Variants in LPXN observed in about 807,000 individuals in gnomAD.
LPXN encodes the protein leupaxin.
In LPXN, 28 loss-of-function variants were observed where a neutral mutation model predicts 45.6. That is an observed-to-expected ratio of 0.61 (90% CI 0.45 to 0.84). The LOEUF is 0.84. Among genes scored for constraint, LPXN ranks in the 40% least tolerant of loss-of-function variants. The probability of loss-of-function intolerance (pLI) is 0.00; values close to 1 mark genes in which losing one functional copy is unlikely to be tolerated. For missense variants in LPXN, 459 were observed against 475.0 expected (o/e 0.97, Z 0.31); for synonymous variants, 166 against 169.9 (o/e 0.98, Z 0.18).
intron 7 of LPXN, among the ~76,000 whole-genome samples, chr11:58,533,464 CA>C (rs1331488533): frequency 2.0e-5 from 3 of 152,174 alleles, no homozygotes; most frequent in Admixed American, 1.3e-4. Context: ...TACAGACAAG[CA>C]AATGCTGAGA....
Position 58,549,954 on chromosome 11 carries a change from G to A in LPXN, c.660+19C>T. On this transcript the variant is annotated intron_variant, in intron 6 of 8. Transcript: ENST00000395074. ...TAAGTGAGTGACTGAAAGCTGGAGA[G>A]GAGCGGGGATTTACTTACATCCAGG... 2 of 1,614,006 alleles carry A rather than the reference G, an allele frequency of 1.2e-6. No individual in the cohort carries two copies. Among genetic ancestry groups the A allele is most frequent in the Non-Finnish European group, 1.7e-6 (2 of 1,179,846 alleles).
At chr11:58,565,072 C>T (rs1202706261) in intron 2 of LPXN, among the ~76,000 whole-genome samples, 4 of 152,224 alleles carry the variant, frequency 2.6e-5, no homozygotes, top group Non-Finnish European at 4.4e-5. Context: ...CATCACCAAA[C>T]GTTCAGAATG....
rs1181795172 is a variant in LPXN at position 58,550,059 on chromosome 11, C to G, written c.574G>C (p.Glu192Gln). 2 of 1,614,000 alleles carry G rather than the reference C, an allele frequency of 1.2e-6. No individual in the cohort carries two copies. The highest frequency in any genetic ancestry group is 1.7e-6 in the Non-Finnish European group (2 of 1,180,020). ...GGGCAGTAGGCCAAGCCACTCCGCT[C>G]AAAGAAGGGACTGGAGCCAATCTCT... ...KEEIGSSPFF[E>Q]RSGLAYCPND... Residue 192 changes from glutamate to glutamine, a missense_variant, in exon 6 of 9, where the codon GAG becomes CAG. By Grantham distance (29) the Glu-to-Gln change is conservative (BLOSUM62 2). Coordinates refer to ENST00000395074, the MANE Select transcript of LPXN (RefSeq NM_004811.3).
In LPXN at chr11:58,549,990, C is replaced by A; in HGVS notation, c.643G>T (p.Ala215Ser). The A allele has an allele frequency of 1.2e-6, 2 of 1,614,142 alleles. No homozygotes were observed. Among genetic ancestry groups the A allele is most frequent in the Non-Finnish European group, 1.7e-6 (2 of 1,180,032 alleles). Reference sequence around the variant, plus strand: ...TTACTTACATCCAGGATGGGAGCAGCGCAGTAAGCACAGCGTGGAGAAAAA... The same window carrying A: ...TTACTTACATCCAGGATGGGAGCAGAGCAGTAAGCACAGCGTGGAGAAAAA... ...QLFSPRCAYC[A>S]APILDKVLTA... Residue 215 changes from alanine (A) to serine (S), a missense_variant, in exon 6 of 9, where the codon GCT becomes TCT. Physicochemically the swap from Ala to Ser is moderately conservative, Grantham distance 99. Coordinates refer to ENST00000395074, the MANE Select transcript of LPXN (RefSeq NM_004811.3).
At chr11:58,562,432 T>TTACA (rs1294888397) in intron 3 of LPXN, among the ~76,000 whole-genome samples, 1 of 152,184 alleles carries the variant, frequency 6.6e-6, no homozygotes, top group Non-Finnish European at 1.5e-5. Flanking sequence ...CATCTATCTA[T>TTACA]TACATATTTA....
chr11:58,576,590 A>C (rs1251124343), upstream of LPXN, among the ~76,000 whole-genome samples: 2 of 152,234 alleles, frequency 1.3e-5, no homozygotes, highest in Non-Finnish European at 2.9e-5. Flanking sequence ...ACATTTACAA[A>C]AGGCCTACTA....
intron 2 of LPXN, among the ~76,000 whole-genome samples, chr11:58,569,496 CT>C (rs1854619712): frequency 6.9e-6 from 1 of 144,386 alleles, no homozygotes; most frequent in African/African-American, 2.9e-5. Context: ...TTAAGCAATC[CT>C]CCTGCTTCAG....
In LPXN at chr11:58,528,072, C is replaced by T; in HGVS notation, c.862G>A (p.Val288Ile). The T allele has an allele frequency of 6.2e-7, 1 of 1,614,232 alleles. No individual in the cohort carries two copies. The highest frequency in any genetic ancestry group is 8.5e-7 in the Non-Finnish European group (1 of 1,180,044). The change falls in exon 8 of 9, where the codon GTC becomes ATC. Residue 288 changes from valine to isoleucine, a missense_variant. By Grantham distance (29) the Val-to-Ile change is conservative. Coordinates refer to ENST00000395074, the MANE Select transcript of LPXN (RefSeq NM_004811.3). Reference sequence around the variant, plus strand: ...CAAACAAAGCACTCTGGGTGCCAGACAGTGTCCATGGCTGAAAGGTAGTTT... The same window carrying T: ...CAAACAAAGCACTCTGGGTGCCAGATAGTGTCCATGGCTGAAAGGTAGTTT... ...LENYLSAMDT[V>I]WHPECFVCGD...
At chr11:58,528,009 T>C (rs775110315) in intron 8 of LPXN, 34 bp downstream of exon 8, 1 of 1,597,188 alleles carries the variant, frequency 6.3e-7, no homozygotes, top group Non-Finnish European at 8.6e-7. Context: ...CCCTTGACTT[T>C]CCCTAAGTCC....
intron 1 of LPXN, among the ~76,000 whole-genome samples, chr11:58,575,515 A>C (rs1490909489): frequency 2.0e-5 from 3 of 152,234 alleles, no homozygotes; most frequent in Non-Finnish European, 4.4e-5. Context: ...ATTTGCCAAG[A>C]GTTTATTCCG....
At chr11:58,560,805 G>A (rs1854351170) in intron 3 of LPXN, among the ~76,000 whole-genome samples, 1 of 152,132 alleles carries the variant, frequency 6.6e-6, no homozygotes, top group South Asian at 2.1e-4. Context: ...TGTGCTGTGT[G>A]TCCTGAATTA....
chr11:58,564,524 A>G (rs1162794217), intron 2 of LPXN, among the ~76,000 whole-genome samples: 3 of 152,218 alleles, frequency 2.0e-5, no homozygotes, highest in African/African-American at 7.2e-5. Flanking sequence ...AGCCCCTTTA[A>G]CTAAACAGGA....
intron 3 of LPXN, among the ~76,000 whole-genome samples, chr11:58,563,375 C>T (rs1428704438): frequency 6.6e-6 from 1 of 152,192 alleles, no homozygotes. Context: ...TTTAAGAAAA[C>T]TTCTTGTAGC....
At chr11:58,556,488 A>G (rs1250203238) in intron 3 of LPXN, among the ~76,000 whole-genome samples, 2 of 152,114 alleles carry the variant, frequency 1.3e-5, no homozygotes, top group African/African-American at 4.8e-5. Context: ...GGCAATCTTC[A>G]ACATTATTCT....
intron 3 of LPXN, among the ~76,000 whole-genome samples, chr11:58,558,086 A>G (rs1438076482): frequency 6.6e-6 from 1 of 152,024 alleles, no homozygotes; most frequent in African/African-American, 2.4e-5. Context: ...AGGTAAGAGA[A>G]TCACTTGGGA....
At chr11:58,561,926 G>A (rs1176560848) in intron 3 of LPXN, among the ~76,000 whole-genome samples, 1 of 152,212 alleles carries the variant, frequency 6.6e-6, no homozygotes, top group African/African-American at 2.4e-5. Flanking sequence ...TTCCTGAAAA[G>A]AGAAGAACCT....
In LPXN at chr11:58,549,854, G is replaced by T. The variant is rs1247368096; in HGVS notation, c.674C>A (p.Ala225Glu). ...AAPILDKVLT[A>E]MNQTWHPEHF... ...CTCTGGGTGCCAGGTCTGGTTCATT[G>T]CTGTCAGCACTTTCTGGAAAGGGAA... Residue 225 changes from alanine to glutamate, a missense_variant, in exon 7 of 9, where the codon GCA becomes GAA. Ala to Glu is a moderately radical substitution (Grantham distance 107). Coordinates refer to ENST00000395074, the MANE Select transcript of LPXN (RefSeq NM_004811.3). 1.2e-6 allele frequency: 2 copies of T among 1,614,142 alleles called. No homozygotes were observed. Among genetic ancestry groups the T allele is most frequent in the Admixed American group, 1.7e-5 (1 of 60,014 alleles).
intron 3 of LPXN, among the ~76,000 whole-genome samples, chr11:58,557,464 T>C (rs1339209905): frequency 2.0e-5 from 3 of 152,146 alleles, no homozygotes; most frequent in Admixed American, 6.5e-5. Flanking sequence ...AAGAAACATA[T>C]TGCATGATCT....
At chr11:58,566,578 A>G (rs1854534193) in intron 2 of LPXN, among the ~76,000 whole-genome samples, 2 of 152,244 alleles carry the variant, frequency 1.3e-5, no homozygotes, top group African/African-American at 4.8e-5. Context: ...GTCAAAATAC[A>G]TCAAAGTCAA....
Sources: gnomAD v4.1 joint callset for allele counts (sites outside exome capture counted in the v4.1 genomes callset) on GRCh38, gnomAD v4.1.1 for gene constraint, MANE v1.5 for transcripts, NCBI Gene and HGNC (gene_info 2026-07-23, HGNC 2026-07-21) for gene names.